The following MSRA variants were observed in gnomAD, a reference collection of about 807,000 sequenced individuals.
MSRA encodes methionine sulfoxide reductase A.
MSRA carries 54 observed loss-of-function variants against 31.3 expected under a neutral mutation model. The observed-to-expected ratio is 1.73, with a 90% CI of 1.39 to 2.17. The LOEUF (loss-of-function observed/expected upper bound fraction) is 2.17, where lower values mean the gene tolerates loss of function less well. Among genes scored for constraint, MSRA ranks in the 30% most tolerant of loss-of-function variants. MSRA has a pLI of 0.00. For synonymous variants in MSRA, 169 were observed against 116.5 expected (o/e 1.45, Z -2.90); for missense variants, 507 against 300.9 (o/e 1.69, Z -5.07).
intron 4 of MSRA, among the ~76,000 whole-genome samples, chr8:10,314,458 C>G (rs546788682): frequency 2.0e-5 from 3 of 152,134 alleles, no homozygotes; most frequent in East Asian, 3.9e-4. Context: ...TTCCATTACA[C>G]ACCAAGCAGA....
intron 1 of MSRA, among the ~76,000 whole-genome samples, chr8:10,066,531 A>T (rs913372802): frequency 1.3e-5 from 2 of 151,886 alleles, no homozygotes; most frequent in Admixed American, 1.3e-4. Context: ...TTCAGCTGAT[A>T]TATCTGTTTT....
intron 5 of MSRA, among the ~76,000 whole-genome samples, chr8:10,400,027 G>T (rs1807350417): frequency 6.6e-6 from 1 of 152,150 alleles, no homozygotes; most frequent in South Asian, 2.1e-4. Flanking sequence ...AAATGAATAT[G>T]GATTGTTTAG....
rs181874126 is a variant in MSRA at position 10,152,523 on chromosome 8, G to C, written c.143-55310G>C. Among the ~76,000 whole-genome samples, 219 of 152,274 alleles carry C rather than the reference G, an allele frequency of 1.4e-3. 2 individuals carry two copies. The highest frequency in any genetic ancestry group is 0.014 in the Admixed American group (215 of 15,302). On this transcript the variant is annotated intron_variant, in intron 1 of 5. Transcript: ENST00000317173. ...AGGCTGATTTCAGGATGGATATTTA[G>C]AAGCTTCAGCTAAATCAGGTCTTGG...
intron 5 of MSRA, among the ~76,000 whole-genome samples, chr8:10,380,171 T>C (rs1261074458): frequency 3.3e-5 from 5 of 152,248 alleles, no homozygotes; most frequent in Non-Finnish European, 5.9e-5. Flanking sequence ...CTCTCTTGCC[T>C]GTTTTTTGTT....
intron 3 of MSRA, among the ~76,000 whole-genome samples, chr8:10,247,191 T>C (rs1346863727): frequency 2.6e-5 from 4 of 152,234 alleles, no homozygotes; most frequent in African/African-American, 9.6e-5. Flanking sequence ...ACTTTTTCTG[T>C]CTTTGCTTTT....
At chr8:10,227,749 G>A (rs1316665616) in intron 2 of MSRA, among the ~76,000 whole-genome samples, 1 of 152,162 alleles carries the variant, frequency 6.6e-6, no homozygotes, top group Non-Finnish European at 1.5e-5. Context: ...TGGACAGAAG[G>A]TAATTAGTTG....
chr8:10,233,191 G>A (rs2952249), intron 2 of MSRA, among the ~76,000 whole-genome samples: 3 of 152,200 alleles, frequency 2.0e-5, no homozygotes, highest in Admixed American at 1.3e-4. Flanking sequence ...TCTTGTTGTA[G>A]CCACTGCTGC....
intron 5 of MSRA, among the ~76,000 whole-genome samples, chr8:10,411,732 C>T (rs1808171495): frequency 6.6e-6 from 1 of 152,166 alleles, no homozygotes; most frequent in African/African-American, 2.4e-5. Context: ...AATAAAGTTG[C>T]TAAGTCTCAT....
At chr8:10,216,350 T>C (rs1384292376) in intron 2 of MSRA, among the ~76,000 whole-genome samples, 2 of 152,250 alleles carry the variant, frequency 1.3e-5, no homozygotes, top group Admixed American at 6.5e-5. Flanking sequence ...CTATGTTTCC[T>C]AGCAGCAACA....
intron 3 of MSRA, among the ~76,000 whole-genome samples, chr8:10,269,394 C>T (rs181407819): frequency 1.3e-5 from 2 of 152,182 alleles, no homozygotes; most frequent in East Asian, 3.8e-4. Context: ...GATATATAGG[C>T]CTACTTATGG....
intron 5 of MSRA, among the ~76,000 whole-genome samples, chr8:10,333,199 A>G (rs1165604251): frequency 2.0e-5 from 3 of 152,146 alleles, no homozygotes; most frequent in Non-Finnish European, 4.4e-5. Context: ...CCACACTCCT[A>G]CTCATCTTTC....
chr8:10,286,915 C>A (rs922628082), intron 3 of MSRA, among the ~76,000 whole-genome samples: 1 of 152,312 alleles, frequency 6.6e-6, no homozygotes, highest in Middle Eastern at 3.4e-3. Context: ...TTATAGCGTA[C>A]CTTTTTGGCG....
At chr8:10,120,897 C>T (rs1371963131) in intron 1 of MSRA, among the ~76,000 whole-genome samples, 1 of 152,134 alleles carries the variant, frequency 6.6e-6, no homozygotes. Flanking sequence ...CAAGAGTCTC[C>T]TGTGTGTGTT....
chr8:10,355,088 G>A (rs1412885942), intron 5 of MSRA, among the ~76,000 whole-genome samples: 29 of 152,160 alleles, frequency 1.9e-4, no homozygotes, highest in Non-Finnish European at 2.8e-4. Context: ...CTTTTAACCT[G>A]TGGTAGCCCA....
intron 1 of MSRA, among the ~76,000 whole-genome samples, chr8:10,201,726 CG>C (rs1808519554): frequency 6.6e-6 from 1 of 152,236 alleles, no homozygotes; most frequent in African/African-American, 2.4e-5. Flanking sequence ...CATGTCCCCC[CG>C]ATCCCCTTCA....
intron 1 of MSRA, among the ~76,000 whole-genome samples, chr8:10,191,399 C>T (rs1385278116): frequency 6.6e-6 from 1 of 152,148 alleles, no homozygotes; most frequent in Non-Finnish European, 1.5e-5. Flanking sequence ...TTTGGAAAAA[C>T]ATTTTTCTTC....
intron 1 of MSRA, among the ~76,000 whole-genome samples, chr8:10,073,231 C>T (rs1248433453): frequency 1.3e-5 from 2 of 152,168 alleles, no homozygotes; most frequent in Non-Finnish European, 2.9e-5. Context: ...TAAACTATCA[C>T]ATATGATGTC....
chr8:10,251,094 T>A (rs1427308105), intron 3 of MSRA, among the ~76,000 whole-genome samples: 1 of 152,064 alleles, frequency 6.6e-6, no homozygotes, highest in Admixed American at 6.6e-5. Flanking sequence ...TCTTAGGAGG[T>A]CAGGTCATGT....
chr8:10,274,981 C>T (rs1174032622), intron 3 of MSRA, among the ~76,000 whole-genome samples: 4 of 152,110 alleles, frequency 2.6e-5, no homozygotes, highest in African/African-American at 9.7e-5. Flanking sequence ...TTATTTGGAA[C>T]AGTGTTTATT....
Sources: allele counts gnomAD v4.1 joint callset (sites outside exome capture counted in the v4.1 genomes callset), GRCh38; gene constraint gnomAD v4.1.1; transcripts MANE v1.5; gene names NCBI Gene and HGNC (gene_info 2026-07-23, HGNC 2026-07-21).